PPP3CA: variants seen among roughly 807,000 people sequenced by gnomAD.
The protein encoded by PPP3CA is protein phosphatase 3 catalytic subunit alpha.
PPP3CA carries 14 observed loss-of-function variants against 66.5 expected under a neutral mutation model. The observed-to-expected ratio is 0.21, with a 90% CI of 0.14 to 0.33. The LOEUF is 0.33. PPP3CA is among the 10% of genes least tolerant of loss of function. The probability of loss-of-function intolerance (pLI) is 1.00; values close to 1 mark genes in which losing one functional copy is unlikely to be tolerated. For synonymous variants in PPP3CA, 232 were observed against 226.2 expected (o/e 1.03, Z -0.23); for missense variants, 317 against 639.5 (o/e 0.50, Z 5.44).
intron 10 of PPP3CA, among the ~76,000 whole-genome samples, chr4:101,054,734 A>G (rs764039322): frequency 1.3e-5 from 2 of 152,026 alleles, no homozygotes; most frequent in Non-Finnish European, 1.5e-5. Flanking sequence ...TATGGAAGAT[A>G]ATTTTCTGGT....
chr4:101,077,608 C>A (rs779868229), intron 8 of PPP3CA, among the ~76,000 whole-genome samples: 3 of 152,202 alleles, frequency 2.0e-5, no homozygotes, highest in Admixed American at 6.5e-5. Context: ...AGAAATTTTA[C>A]ATAAAAGTCT....
intron 1 of PPP3CA, among the ~76,000 whole-genome samples, chr4:101,285,924 C>A (rs1452784733): frequency 6.6e-6 from 1 of 152,164 alleles, no homozygotes; most frequent in Admixed American, 6.5e-5. Context: ...AACTCCTACA[C>A]CTAAATTGCA....
chr4:101,199,133 A>G (rs3811063), intron 1 of PPP3CA, among the ~76,000 whole-genome samples: 67,222 of 152,062 alleles, frequency 0.44, 17,661 homozygotes, highest in Middle Eastern at 0.64. Flanking sequence ...TGGCTTCATA[A>G]AAAGCATACC....
intron 12 of PPP3CA, among the ~76,000 whole-genome samples, chr4:101,029,621 T>C (rs1361421136): frequency 6.6e-6 from 1 of 151,146 alleles, no homozygotes; most frequent in Non-Finnish European, 1.5e-5. Context: ...CCAGACAAAA[T>C]GGCAGAATTT....
At chr4:101,118,723 T>C (rs1461390068) in intron 2 of PPP3CA, among the ~76,000 whole-genome samples, 1 of 152,046 alleles carries the variant, frequency 6.6e-6, no homozygotes, top group Non-Finnish European at 1.5e-5. Context: ...CTTTTTAAAT[T>C]ACTTTCTTAT....
chr4:101,209,736 G>T (rs1364468553), intron 1 of PPP3CA, among the ~76,000 whole-genome samples: 2 of 151,966 alleles, frequency 1.3e-5, no homozygotes, highest in Non-Finnish European at 2.9e-5. Context: ...TTGTACTCAA[G>T]AAACAAAAGA....
At chr4:101,292,962 A>G (rs1286600975) in intron 1 of PPP3CA, among the ~76,000 whole-genome samples, 1 of 152,214 alleles carries the variant, frequency 6.6e-6, no homozygotes, top group Non-Finnish European at 1.5e-5. Flanking sequence ...TTTACAGGCT[A>G]AGTTTGATAA....
At chr4:101,101,335 A>T (rs893806775) in intron 3 of PPP3CA, among the ~76,000 whole-genome samples, 1 of 152,136 alleles carries the variant, frequency 6.6e-6, no homozygotes, top group African/African-American at 2.4e-5. Context: ...CAATAAAAAG[A>T]GTTTGTATTA....
intron 2 of PPP3CA, among the ~76,000 whole-genome samples, chr4:101,154,089 C>T (rs943463433): frequency 2.6e-5 from 4 of 152,116 alleles, no homozygotes; most frequent in African/African-American, 9.7e-5. Context: ...TTATGAAGTA[C>T]CACATTTGCT....
At chr4:101,148,899 T>A (rs925230440) in intron 2 of PPP3CA, among the ~76,000 whole-genome samples, 8 of 152,134 alleles carry the variant, frequency 5.3e-5, no homozygotes, top group African/African-American at 1.7e-4. Context: ...AGGAAAAAAA[T>A]TGTTAAAGCA....
intron 1 of PPP3CA, among the ~76,000 whole-genome samples, chr4:101,231,317 C>G (rs1168881213): frequency 6.6e-6 from 1 of 151,652 alleles, no homozygotes; most frequent in African/African-American, 2.4e-5. Context: ...AGGCCGCTAA[C>G]TAGAGAACAG....
chr4:101,314,881 T>C (rs978630686), intron 1 of PPP3CA, among the ~76,000 whole-genome samples: 2 of 152,184 alleles, frequency 1.3e-5, no homozygotes, highest in Non-Finnish European at 2.9e-5. Context: ...TTTCTTCTTT[T>C]ATAAAAATCA....
chr4:101,181,114 A>T (rs1724222833), intron 2 of PPP3CA, among the ~76,000 whole-genome samples: 1 of 152,134 alleles, frequency 6.6e-6, no homozygotes, highest in Non-Finnish European at 1.5e-5. Context: ...AAAAATATTT[A>T]AGAATGTTAA....
At position 101,032,400 on chromosome 4, in the gene PPP3CA, A is replaced by ATTTC. The variant is rs569359740; in HGVS notation, c.1242-40_1242-37dup. On this transcript the variant is annotated intron_variant, in intron 11 of 13. Transcript: ENST00000394854. ...CAATGAGGGGCGACATTAACTTTTAATTTCTTTTGTGAAAAAGAAAGAAAT... is the reference window on the plus strand; with the variant it reads ...CAATGAGGGGCGACATTAACTTTTAATTTCTTTCTTTTGTGAAAAAGAAAGAAAT... 20 of 1,537,796 alleles carry ATTTC rather than the reference A, an allele frequency of 1.3e-5. 2 individuals are homozygous for ATTTC. The South Asian group carries it at 2.0e-4, about 15-fold the overall frequency.
At chr4:101,032,448 T>C (rs554301071) in intron 11 of PPP3CA, 84 bp from the exon 12 acceptor site, 1 of 1,115,398 alleles carries the variant, frequency 9.0e-7, no homozygotes, top group East Asian at 2.6e-5. Flanking sequence ...AAAAAATGCA[T>C]ATAAGCACCC....
chr4:101,341,163 T>C (rs907838433), intron 1 of PPP3CA, among the ~76,000 whole-genome samples: 2 of 151,558 alleles, frequency 1.3e-5, no homozygotes, highest in Non-Finnish European at 2.9e-5. Flanking sequence ...TGTGAAGATA[T>C]CTTAAATATA....
chr4:101,182,216 A>C (rs1171207251), intron 2 of PPP3CA, among the ~76,000 whole-genome samples: 1 of 152,188 alleles, frequency 6.6e-6, no homozygotes, highest in Non-Finnish European at 1.5e-5. Context: ...ACAGACAGGC[A>C]TTGGGACAGA....
intron 1 of PPP3CA, among the ~76,000 whole-genome samples, chr4:101,261,995 A>G (rs1727023543): frequency 6.6e-6 from 1 of 152,120 alleles, no homozygotes; most frequent in Non-Finnish European, 1.5e-5. Context: ...GAGCTTATTA[A>G]CCTTCCTATA....
intron 12 of PPP3CA, among the ~76,000 whole-genome samples, chr4:101,031,905 CA>C (rs2110204870): frequency 6.6e-6 from 1 of 152,146 alleles, no homozygotes; most frequent in Non-Finnish European, 1.5e-5. Flanking sequence ...GAAACATAAC[CA>C]GAATACTTAT....
Sources: allele counts gnomAD v4.1 joint callset (sites outside exome capture counted in the v4.1 genomes callset), GRCh38; gene constraint gnomAD v4.1.1; transcripts MANE v1.5; gene names NCBI Gene and HGNC (gene_info 2026-07-23, HGNC 2026-07-21).